Variants in SFXN1 observed in about 807,000 individuals in gnomAD.
The protein encoded by SFXN1 is sideroflexin 1, also known as sideroflexin-1.
A neutral mutation model predicts 39.5 loss-of-function variants in SFXN1; 32 were observed. That is an observed-to-expected ratio of 0.81 (90% CI 0.61 to 1.09). SFXN1 has a LOEUF of 1.09. Among genes scored for constraint, SFXN1 ranks in the 50% least tolerant of loss-of-function variants. The pLI is 0.00. For synonymous variants in SFXN1, 136 were observed against 146.5 expected (o/e 0.93, Z 0.52); for missense variants, 402 against 407.1 (o/e 0.99, Z 0.11).
intron 8 of SFXN1, among the ~76,000 whole-genome samples, chr5:175,518,677 G>A (rs922326107): frequency 7.2e-5 from 11 of 152,162 alleles, no homozygotes; most frequent in Non-Finnish European, 1.3e-4. Context: ...ATGAATTGTT[G>A]GAAGTTTGTG....
intron 2 of SFXN1, among the ~76,000 whole-genome samples, chr5:175,500,788 C>T (rs980376346): frequency 4.6e-5 from 7 of 152,000 alleles, no homozygotes; most frequent in Non-Finnish European, 8.8e-5. Flanking sequence ...TTTAGATCCA[C>T]GTAACAGAAG....
intron 2 of SFXN1, among the ~76,000 whole-genome samples, chr5:175,496,328 C>T (rs2113292046): frequency 6.6e-6 from 1 of 151,604 alleles, no homozygotes; most frequent in Non-Finnish European, 1.5e-5. Context: ...GAGCCGAGAT[C>T]GCTCCCTGCA....
chr5:175,512,152 C>T lies in SFXN1; in HGVS notation c.552C>T (p.Ala184=), dbSNP rs113066849. The T allele has an allele frequency of 1.6e-5, 26 of 1,614,128 alleles. No homozygotes were observed. The East Asian group carries it at 3.6e-4, about 22-fold the overall frequency. The stretch of plus-strand genomic sequence containing the variant: ...TAGGACGTTTTGTTCCCTTTGCTGC[C>T]GTAGCTGCTGCTAATTGCATTAATA... The part of the protein sequence containing the change: ...PLIGRFVPFA[A]VAAANCINIP... The change falls in exon 6 of 11, where the codon GCC becomes GCT. Residue 184 remains alanine, a synonymous_variant. Coordinates refer to ENST00000321442, the MANE Select transcript of SFXN1 (RefSeq NM_022754.7).
At position 175,510,218 on chromosome 5, in the gene SFXN1, G is replaced by A. The variant is rs368317368; in HGVS notation, c.434+11G>A. The A allele has an allele frequency of 1.2e-4, 198 of 1,598,438 alleles. No homozygotes were observed. Among genetic ancestry groups the A allele is most frequent in the Non-Finnish European group, 1.5e-4 (177 of 1,169,210 alleles). On this transcript the variant is annotated intron_variant, in intron 4 of 10. Transcript: ENST00000321442. ...ACCCCTCACTGTCAAGTAAGGCTAC[G>A]AGAATTGACCACTCTCTGCAGTTCT...
chr5:175,494,293 GA>G (rs1581274249), intron 2 of SFXN1, among the ~76,000 whole-genome samples: 2 of 152,164 alleles, frequency 1.3e-5, no homozygotes, highest in Admixed American at 6.5e-5. Context: ...GGAAAACAAC[GA>G]AAAGCTATTA....
intron 3 of SFXN1, among the ~76,000 whole-genome samples, chr5:175,509,766 G>A (rs927957197): frequency 6.6e-6 from 1 of 152,154 alleles, no homozygotes; most frequent in Non-Finnish European, 1.5e-5. Context: ...TGTTAGGAGG[G>A]CCCAGGACCG....
chr5:175,522,051 A>T (rs983779072), intron 9 of SFXN1, 83 bp downstream of exon 9: 14 of 1,199,310 alleles, frequency 1.2e-5, no homozygotes, highest in African/African-American at 7.7e-5. Context: ...GTAATATGGG[A>T]TACAAATTTT....
intron 8 of SFXN1, among the ~76,000 whole-genome samples, chr5:175,519,864 C>CTTTTTTTT (rs369561037): frequency 1.8e-4 from 14 of 77,254 alleles, no homozygotes; most frequent in East Asian, 4.1e-4. Context: ...GGGTTTTTTG[C>CTTTTTTTT]TTTTTTTTTT....
chr5:175,516,515 C>T, intron 7 of SFXN1, 99 bp from the exon 8 acceptor site: 2 of 1,052,546 alleles, frequency 1.9e-6, no homozygotes, highest in Non-Finnish European at 2.8e-6. Context: ...TGGAAATAGC[C>T]TAAAAGTGAC....
intron 6 of SFXN1, among the ~76,000 whole-genome samples, chr5:175,512,424 G>A (rs2662172): frequency 0.22 from 33,681 of 152,132 alleles, 4,712 homozygotes; most frequent in African/African-American, 0.39. Flanking sequence ...TGAGGAGTGC[G>A]GGGAGGGGGC....
At chr5:175,488,698 T>G (rs189919562) in intron 1 of SFXN1, among the ~76,000 whole-genome samples, 1 of 152,192 alleles carries the variant, frequency 6.6e-6, no homozygotes, top group Non-Finnish European at 1.5e-5. Context: ...CTCTTCACTT[T>G]CCTCTGATCT....
intron 2 of SFXN1, among the ~76,000 whole-genome samples, chr5:175,500,718 TAAGAC>T (rs1331880137): frequency 1.3e-5 from 2 of 152,220 alleles, no homozygotes; most frequent in African/African-American, 4.8e-5. Context: ...TACCTGGTCT[TAAGAC>T]TGACTATAAA....
chr5:175,511,302 A>G (rs1235313494), intron 4 of SFXN1, 149 bp from the exon 5 acceptor site: 2 of 621,340 alleles, frequency 3.2e-6, no homozygotes, highest in African/African-American at 3.8e-5. Flanking sequence ...AGATTCCCCT[A>G]CTTGTGGAGT....
chr5:175,494,373 T>C (rs545607205), intron 2 of SFXN1, among the ~76,000 whole-genome samples: 55 of 152,354 alleles, frequency 3.6e-4, no homozygotes, highest in African/African-American at 1.3e-3. Flanking sequence ...TAGTAAGCGA[T>C]GTGTGCCAAG....
intron 6 of SFXN1, among the ~76,000 whole-genome samples, chr5:175,513,029 A>G (rs1760576099): frequency 6.6e-6 from 1 of 152,172 alleles, no homozygotes; most frequent in African/African-American, 2.4e-5. Flanking sequence ...TGCTGGGCGC[A>G]GTGGCTCACA....
At chr5:175,482,034 A>G (rs998499815) in intron 1 of SFXN1, among the ~76,000 whole-genome samples, 8 of 152,214 alleles carry the variant, frequency 5.3e-5, no homozygotes, top group Non-Finnish European at 7.3e-5. Flanking sequence ...AGGCTGTGTC[A>G]TCTTGGGCAT....
intron 1 of SFXN1, among the ~76,000 whole-genome samples, chr5:175,484,427 C>T (rs1014402868): frequency 1.3e-5 from 2 of 152,216 alleles, no homozygotes; most frequent in Admixed American, 6.6e-5. Context: ...CCTCCTGACC[C>T]GTCAGTACCA....
At chr5:175,524,128 ATATATAT>A (rs1760982684) in intron 10 of SFXN1, 46 of 18,388 alleles carry the variant, frequency 2.5e-3, no homozygotes, top group African/African-American at 9.1e-3. Flanking sequence ...AAAAAAAAAT[ATATATAT>A]ATATATATAT....
Position 175,513,570 on chromosome 5 carries a change from T to C in SFXN1, c.704T>C (p.Leu235Pro). 1 of 1,613,920 alleles carries C rather than the reference T, an allele frequency of 6.2e-7. No individual in the cohort carries two copies. Among genetic ancestry groups the C allele is most frequent in the Non-Finnish European group, 8.5e-7 (1 of 1,179,888 alleles). ...AITQVVVSRILMAAPGMAIPP... is the reference protein window; with the variant it reads ...AITQVVVSRIPMAAPGMAIPP... ...ACGCAAGTTGTCGTGTCCAGGATTC[T>C]CATGGCAGCCCCTGGCATGGGTTAG... Residue 235 changes from leucine (L) to proline (P), a missense_variant, in exon 7 of 11, where the codon CTC becomes CCC. Coordinates refer to ENST00000321442, the MANE Select transcript of SFXN1 (RefSeq NM_022754.7).
Sources: allele counts gnomAD v4.1 joint callset (sites outside exome capture counted in the v4.1 genomes callset), GRCh38; gene constraint gnomAD v4.1.1; transcripts MANE v1.5; gene names NCBI Gene and HGNC (gene_info 2026-07-23, HGNC 2026-07-21).